The following DST variants were observed in gnomAD, a reference collection of about 807,000 sequenced individuals.
The protein encoded by DST is bullous pemphigoid antigen.
In DST, 253 loss-of-function variants were observed where a neutral mutation model predicts 875.2. The observed-to-expected ratio is 0.29, with a 90% CI of 0.26 to 0.32. The LOEUF (loss-of-function observed/expected upper bound fraction) is 0.32. DST is among the 10% of genes least tolerant of loss of function. The probability of loss-of-function intolerance (pLI) is 1.00; values close to 1 mark genes in which losing one functional copy is unlikely to be tolerated. For synonymous variants in DST, 3,124 were observed against 3,197.1 expected (o/e 0.98, Z 0.77); for missense variants, 8,287 against 9,111.6 (o/e 0.91, Z 3.68).
At chr6:56,940,306 T>C (rs1383608625) in intron 2 of DST, among the ~76,000 whole-genome samples, 2 of 151,870 alleles carry the variant, frequency 1.3e-5, no homozygotes, top group African/African-American at 2.4e-5. Context: ...AATATGTACA[T>C]ATATATTTCT....
intron 2 of DST, among the ~76,000 whole-genome samples, chr6:56,909,290 C>T (rs1183976317): frequency 2.0e-5 from 3 of 152,180 alleles, no homozygotes; most frequent in Admixed American, 1.3e-4. Flanking sequence ...CTACGTTTCC[C>T]AGCCTCCCCT....
At chr6:56,618,866 A>C in intron 36 of DST, 1 of 1,614,082 alleles carries the variant, frequency 6.2e-7, no homozygotes, top group Non-Finnish European at 8.5e-7. Flanking sequence ...CTTTAAGTGT[A>C]ATTCGTCTTG....
chr6:56,816,660 T>G (rs1003923535), intron 4 of DST, among the ~76,000 whole-genome samples: 1 of 152,158 alleles, frequency 6.6e-6, no homozygotes, highest in Non-Finnish European at 1.5e-5. Flanking sequence ...AGGAATCCCC[T>G]ATCGCGTGCA....
chr6:56,534,309 C>T (rs73749959), intron 63 of DST, among the ~76,000 whole-genome samples: 74 of 152,236 alleles, frequency 4.9e-4, no homozygotes, highest in African/African-American at 9.9e-4. Flanking sequence ...CTTAACAGTA[C>T]GCCATGCTCT....
At chr6:56,702,051 T>C (rs2099310617) in intron 7 of DST, 86 bp from the exon 8 acceptor site, 3 of 813,486 alleles carry the variant, frequency 3.7e-6, no homozygotes, top group Middle Eastern at 5.0e-4. Context: ...TTCATCTTAA[T>C]ATATCAAAAC....
chr6:56,943,652 C>CA (rs1817895686), intron 2 of DST, among the ~76,000 whole-genome samples: 1 of 151,882 alleles, frequency 6.6e-6, no homozygotes, highest in Non-Finnish European at 1.5e-5. Flanking sequence ...AGGCTGATCT[C>CA]AAACTCCCAA....
At chr6:56,574,939 T>A (rs748311915) in intron 50 of DST, among the ~76,000 whole-genome samples, 1 of 152,170 alleles carries the variant, frequency 6.6e-6, no homozygotes, top group Non-Finnish European at 1.5e-5. Flanking sequence ...ATTTGGCCCA[T>A]GAAACATAAT....
At chr6:56,678,952 T>C (rs78438633) in intron 9 of DST, among the ~76,000 whole-genome samples, 1,819 of 152,294 alleles carry the variant, frequency 0.012, 46 homozygotes, top group African/African-American at 0.04. Flanking sequence ...GAAGACACTA[T>C]ATAAAATGGA....
rs2098810946 is a variant in DST at position 56,634,780 on chromosome 6, G to C, written c.3339+21C>G. On this transcript the variant is annotated intron_variant, in intron 25 of 103. Coordinates refer to ENST00000680361, the MANE Select transcript of DST (RefSeq NM_001374736.1). ...TATGAATAATGACAGAAACTGGTCT[G>C]TTTCTAGGAGTTACAAGTACCTCAA... is the stretch of plus-strand genomic sequence containing the variant. 3 of 1,613,034 alleles carry C rather than the reference G, an allele frequency of 1.9e-6. No individual in the cohort carries two copies. The Admixed American group carries it at 5.0e-5, about 27-fold the overall frequency.
rs1586360449 is a variant in DST, at chr6:56,604,503, T to C, written c.10125A>G (p.Glu3375=). The C allele has an allele frequency of 1.9e-6, 3 of 1,612,546 alleles. No homozygotes were observed. Among genetic ancestry groups the C allele is most frequent in the Non-Finnish European group, 2.5e-6 (3 of 1,179,086 alleles). Residue 3375 remains glutamate, a synonymous_variant, in exon 40 of 104, where the codon GAA becomes GAG. Transcript: ENST00000680361. ...TTTTAGTGTCTGCACAGGCTGAAGG[T>C]TCTTCAACCTCTTGAGGGTTCATAT... ...EGHMNPQEVE[E]PSACADTKIL...
intron 85 of DST, among the ~76,000 whole-genome samples, chr6:56,489,859 G>A (rs1344041520): frequency 6.6e-6 from 1 of 152,114 alleles, no homozygotes; most frequent in Admixed American, 6.5e-5. Flanking sequence ...AGCTCTAAAA[G>A]AGCCTAGAAA....
rs2099388361 is a variant in DST, at chr6:56,714,516, G to GA, written c.688-10148dup. Among the ~76,000 whole-genome samples, 1 of 152,162 alleles carries GA rather than the reference G, an allele frequency of 6.6e-6. No individual in the cohort carries two copies. The highest frequency in any genetic ancestry group is 1.5e-5 in the Non-Finnish European group (1 of 68,034). ...TCTTACTAAAGCTGAAATCTAAGTG[G>GA]AAGTTATTTTCTCTCCAGCCCCTGT... On this transcript the variant is annotated intron_variant, in intron 5 of 103. Transcript: ENST00000680361. The surrounding 1 kb of genome is among the most constrained non-coding windows in gnomAD (Gnocchi z 4.5).
intron 4 of DST, among the ~76,000 whole-genome samples, chr6:56,748,449 A>G (rs2099578626): frequency 6.6e-6 from 1 of 152,210 alleles, no homozygotes; most frequent in Non-Finnish European, 1.5e-5. Flanking sequence ...AAACAGAATC[A>G]TAGGTATTAC....
At position 56,946,612 on chromosome 6, in the gene DST, T is replaced by A. The variant is rs556061389; in HGVS notation, c.216+7173A>T. Among the ~76,000 whole-genome samples the A allele has an allele frequency of 3.3e-5, 5 of 152,300 alleles. No homozygotes were observed. In the South Asian group the frequency reaches 1.0e-3, roughly 32 times the overall value. On this transcript the variant is annotated intron_variant, in intron 2 of 103. Coordinates refer to ENST00000680361, the MANE Select transcript of DST (RefSeq NM_001374736.1). ...AAGAAAAGAATTCACAACATAAGCA[T>A]AAAATATCAGTGTGGACGACAGATG...
intron 10 of DST, among the ~76,000 whole-genome samples, chr6:56,662,987 A>G (rs926246983): frequency 4.6e-5 from 7 of 152,244 alleles, no homozygotes; most frequent in Non-Finnish European, 5.9e-5. Flanking sequence ...ACAAAGAAAC[A>G]AAACAAAACA....
chr6:56,459,332 A>C, intron 103 of DST, 65 bp from the exon 104 acceptor site: 1 of 1,483,202 alleles, frequency 6.7e-7, no homozygotes, highest in Non-Finnish European at 9.0e-7. Flanking sequence ...AATTTTTGAA[A>C]CCCGATGCCA....
At chr6:56,731,490 CA>C (rs2099498208) in intron 5 of DST, among the ~76,000 whole-genome samples, 1 of 152,152 alleles carries the variant, frequency 6.6e-6, no homozygotes, top group Non-Finnish European at 1.5e-5. Flanking sequence ...CTCATTTATT[CA>C]TTCTGGTAGT....
At chr6:56,828,211 A>G (rs2099783083) in intron 4 of DST, among the ~76,000 whole-genome samples, 1 of 152,222 alleles carries the variant, frequency 6.6e-6, no homozygotes, top group Non-Finnish European at 1.5e-5. Context: ...ATAGTTAACT[A>G]GGAAACAGCC....
chr6:56,803,937 A>G (rs1260728280), intron 4 of DST, among the ~76,000 whole-genome samples: 2 of 152,236 alleles, frequency 1.3e-5, no homozygotes, highest in Admixed American at 6.5e-5. Flanking sequence ...CATAAATGAA[A>G]GCAAAGAACA....
Sources: gnomAD v4.1 joint callset for allele counts (sites outside exome capture counted in the v4.1 genomes callset) on GRCh38, gnomAD v4.1.1 for gene constraint, Gnocchi (gnomAD v3.1) non-coding constraint, MANE v1.5 for transcripts, NCBI Gene and HGNC (gene_info 2026-07-23, HGNC 2026-07-21) for gene names.